The following FOXP1 variants were observed in gnomAD, a reference collection of about 807,000 sequenced individuals.
FOXP1 encodes forkhead box P1.
Under a neutral mutation model 98.2 loss-of-function variants are expected in FOXP1, and 15 were observed. The ratio of observed to expected loss-of-function variants is 0.15; its 90% CI spans 0.10 to 0.24. The LOEUF (loss-of-function observed/expected upper bound fraction) is 0.24, where lower values mean the gene tolerates loss of function less well. Ranked by LOEUF, FOXP1 falls within the 10% of genes least tolerant of loss-of-function variation. The probability of loss-of-function intolerance (pLI) is 1.00; values close to 1 mark genes in which losing one functional copy is unlikely to be tolerated. For missense variants in FOXP1, 633 were observed against 848.5 expected (o/e 0.75, Z 3.15); for synonymous variants, 371 against 314.5 (o/e 1.18, Z -1.90).
At chr3:71,325,333 G>A (rs1021536934) in intron 4 of FOXP1, among the ~76,000 whole-genome samples, 1 of 152,160 alleles carries the variant, frequency 6.6e-6, no homozygotes, top group Non-Finnish European at 1.5e-5. Context: ...GATTACAGGC[G>A]TGAGCCACTG....
chr3:71,150,699 A>C (rs540323957), intron 6 of FOXP1, among the ~76,000 whole-genome samples: 7 of 152,334 alleles, frequency 4.6e-5, no homozygotes, highest in African/African-American at 1.4e-4. Flanking sequence ...TAATGAGTTA[A>C]GTTTACACTC....
At chr3:71,406,414 T>TATATATATATATATATATATATATATAC (rs1220162304) in intron 3 of FOXP1, among the ~76,000 whole-genome samples, 3 of 141,726 alleles carry the variant, frequency 2.1e-5, no homozygotes, top group African/African-American at 5.0e-5. Context: ...TGTATATATA[T>TATATATATATATATATATATATATATAC]ATATATATAT....
rs34653634 is a variant in FOXP1 at position 71,159,104 on chromosome 3, CAAA to C, written c.180+39095_180+39097del. Among the ~76,000 whole-genome samples, 702 of 77,994 alleles carry C rather than the reference CAAA, an allele frequency of 9.0e-3. 4 individuals are homozygous for C. Among genetic ancestry groups the C allele is most frequent in the African/African-American group, 0.029 (621 of 21,542 alleles). The allele number at this position is 77,994 out of a possible 152,430, so 51.2% of individuals were successfully genotyped here. The stretch of plus-strand genomic sequence containing the variant: ...TAGGTGACAGGGCGGAACCCTATCT[CAAA>C]AAAAAAAAAAAAAAAAAAAAGTTGA... On this transcript the variant is annotated intron_variant, in intron 6 of 20. Transcript: ENST00000649528.
In FOXP1 at chr3:70,957,507, A is replaced by G. The variant is rs2032108852; in HGVS notation, c.*1740T>C. The G allele has an allele frequency of 8.7e-6, 2 of 230,944 alleles. No individual in the cohort carries two copies. Among genetic ancestry groups the G allele is most frequent in the Admixed American group, 5.6e-5 (1 of 17,706 alleles). The allele number at this position is 230,944 out of a possible 1,614,324, so 14.3% of individuals were successfully genotyped here. On this transcript the variant is annotated 3_prime_UTR_variant, in exon 21 of 21. Transcript: ENST00000649528. ...AGAGAACATAATTTACCTTTGTGTA[A>G]TATCTTTGGTAATTTTAGAAAAAAG...
intron 2 of FOXP1, among the ~76,000 whole-genome samples, chr3:71,497,692 T>C (rs1011686567): frequency 2.0e-5 from 3 of 152,206 alleles, no homozygotes; most frequent in Non-Finnish European, 4.4e-5. Context: ...TGCATTGCTC[T>C]CTGACTACTT....
intron 2 of FOXP1, among the ~76,000 whole-genome samples, chr3:71,530,365 G>C (rs984281277): frequency 3.3e-5 from 5 of 152,064 alleles, no homozygotes; most frequent in African/African-American, 1.2e-4. Flanking sequence ...AAAGGCCCTC[G>C]ACAGGTGCAG....
At chr3:71,411,614 G>A (rs542684953) in intron 3 of FOXP1, among the ~76,000 whole-genome samples, 6 of 152,260 alleles carry the variant, frequency 3.9e-5, no homozygotes, top group Non-Finnish European at 7.3e-5. Flanking sequence ...GAGCCACTGC[G>A]CCCGGCTGAA....
intron 13 of FOXP1, among the ~76,000 whole-genome samples, chr3:70,991,676 G>T (rs2040620933): frequency 6.6e-6 from 1 of 152,208 alleles, no homozygotes; most frequent in Admixed American, 6.5e-5. Context: ...CAGATGAGAA[G>T]AAAGGGCCAA....
At chr3:71,443,809 A>G (rs913806907) in intron 3 of FOXP1, among the ~76,000 whole-genome samples, 6 of 152,210 alleles carry the variant, frequency 3.9e-5, no homozygotes, top group Non-Finnish European at 8.8e-5. Context: ...TCAGCTGATG[A>G]GAAAATTCTA....
At chr3:71,512,513 C>T (rs1383339843) in intron 2 of FOXP1, among the ~76,000 whole-genome samples, 2 of 152,132 alleles carry the variant, frequency 1.3e-5, no homozygotes. Flanking sequence ...GTCTATTTTT[C>T]CCCCATCACA....
Position 70,957,791 on chromosome 3 carries a change from C to T in FOXP1, c.*1456G>A, listed in dbSNP as rs953543756. On this transcript the variant is annotated 3_prime_UTR_variant, in exon 21 of 21. Coordinates refer to ENST00000649528, the MANE Select transcript of FOXP1 (RefSeq NM_001349338.3). ...TGATATAATATTGCATAACAAACTG[C>T]AGTACCAAATTTGCATATTTGAAAT... The T allele has an allele frequency of 3.4e-5, 8 of 233,902 alleles. No individual in the cohort carries two copies. The highest frequency in any genetic ancestry group is 6.8e-5 in the Non-Finnish European group (8 of 118,296). 14.5% of individuals were successfully genotyped at this position (233,902 alleles called of 1,614,324 possible).
At chr3:71,403,895 T>G (rs957680022) in intron 3 of FOXP1, among the ~76,000 whole-genome samples, 1 of 151,862 alleles carries the variant, frequency 6.6e-6, no homozygotes, top group Non-Finnish European at 1.5e-5. Flanking sequence ...CGAGAAATGA[T>G]GGAATTCCAA....
chr3:71,096,146 T>TC (rs1335420160), intron 7 of FOXP1, among the ~76,000 whole-genome samples: 1 of 152,178 alleles, frequency 6.6e-6, no homozygotes, highest in East Asian at 1.9e-4. Flanking sequence ...TGAAATAAGG[T>TC]CAGAGAGTTC....
intron 3 of FOXP1, among the ~76,000 whole-genome samples, chr3:71,453,397 A>G (rs1477259526): frequency 6.6e-6 from 1 of 152,160 alleles, no homozygotes; most frequent in Non-Finnish European, 1.5e-5. Context: ...GCTGAATGAT[A>G]TATGCACATG....
intron 4 of FOXP1, among the ~76,000 whole-genome samples, chr3:71,342,303 G>C (rs2077054774): frequency 6.6e-6 from 1 of 152,196 alleles, no homozygotes; most frequent in Non-Finnish European, 1.5e-5. Context: ...ACCCTATAAA[G>C]ATAGTGGAAC....
chr3:71,252,428 A>C (rs962726234), intron 5 of FOXP1, among the ~76,000 whole-genome samples: 1 of 152,230 alleles, frequency 6.6e-6, no homozygotes, highest in Non-Finnish European at 1.5e-5. Flanking sequence ...AATTCCAAGA[A>C]AGACGAAAGA....
At chr3:71,355,449 G>A (rs2107869915) in intron 4 of FOXP1, among the ~76,000 whole-genome samples, 1 of 152,280 alleles carries the variant, frequency 6.6e-6, no homozygotes. Flanking sequence ...GGTCAGCAAA[G>A]GCATGTTTAA....
At chr3:71,041,235 C>T in intron 11 of FOXP1, 93 bp downstream of exon 11, 1 of 962,674 alleles carries the variant, frequency 1.0e-6, no homozygotes, top group Non-Finnish European at 1.7e-6. Context: ...CACATGGATC[C>T]AATTAGGGAT....
chr3:71,292,757 AC>A (rs1229823593), intron 5 of FOXP1: 13 of 152,198 alleles, frequency 8.5e-5, no homozygotes, highest in African/African-American at 3.1e-4. Context: ...CATGATTTTC[AC>A]CCTTTAAAAA....
Sources: allele counts gnomAD v4.1 joint callset (sites outside exome capture counted in the v4.1 genomes callset), GRCh38; gene constraint gnomAD v4.1.1; transcripts MANE v1.5; gene names NCBI Gene and HGNC (gene_info 2026-07-23, HGNC 2026-07-21).